Variants in ZNF469 observed in about 807,000 individuals in gnomAD.
ZNF469 encodes zinc finger protein 469.
ZNF469 carries 1 observed loss-of-function variant against 1.0 expected under a neutral mutation model. The observed-to-expected ratio is 1.00, with a 90% CI of 0.35 to 4.73. The LOEUF is 4.73. Among genes scored for constraint, ZNF469 ranks in the 30% most tolerant of loss-of-function variants. The pLI is 0.16. For missense variants in ZNF469, 6,100 were observed against 5,356.3 expected (o/e 1.14, Z -4.33); for synonymous variants, 2,703 against 2,363.4 (o/e 1.14, Z -4.17).
the ZNF469 span, among the ~76,000 whole-genome samples, chr16:88,273,906 G>A: frequency 8.0e-5 from 12 of 149,682 alleles, no homozygotes; most frequent in Admixed American, 2.0e-4. Context: ...CCGGGTTCAC[G>A]CCATTCTCCT....
intron 1 of ZNF469, among the ~76,000 whole-genome samples, chr16:88,416,079 C>T (rs1273956715): frequency 6.6e-6 from 1 of 152,202 alleles, no homozygotes; most frequent in Non-Finnish European, 1.5e-5. Context: ...TTCCGAACCC[C>T]ACAGCAGCGG....
chr16:88,385,908 G>C (rs570976001), intron 1 of ZNF469, among the ~76,000 whole-genome samples: 1 of 152,196 alleles, frequency 6.6e-6, no homozygotes. Context: ...TACTTGGTAG[G>C]TACCAGCTGC....
the ZNF469 span, among the ~76,000 whole-genome samples, chr16:88,123,125 C>A: frequency 1.1e-4 from 17 of 152,316 alleles, no homozygotes; most frequent in African/African-American, 4.1e-4. Flanking sequence ...TTTGCACTCA[C>A]ATAGCCAGCA....
At chr16:88,192,817 A>ATGG in the ZNF469 span, among the ~76,000 whole-genome samples, 10 of 35,348 alleles carry the variant, frequency 2.8e-4, no homozygotes, top group African/African-American at 1.2e-3. Flanking sequence ...AATGATGGTG[A>ATGG]TGGTGGTGGT....
At chr16:88,397,979 G>A (rs533323883) in intron 1 of ZNF469, among the ~76,000 whole-genome samples, 7 of 152,316 alleles carry the variant, frequency 4.6e-5, no homozygotes, top group Middle Eastern at 3.4e-3. Flanking sequence ...GCCCAGAGCC[G>A]GGCACAGGAG....
chr16:88,193,081 ATGGTGGTGGTGATGGTGT>A, the ZNF469 span, among the ~76,000 whole-genome samples: 1 of 36,392 alleles, frequency 2.7e-5, no homozygotes, highest in Non-Finnish European at 5.3e-5. Context: ...GGTGGTGGTG[ATGGTGGTGGTGATGGTGT>A]TGATGGTGGT....
the ZNF469 span, among the ~76,000 whole-genome samples, chr16:88,266,590 A>C: frequency 6.6e-6 from 1 of 152,258 alleles, no homozygotes; most frequent in African/African-American, 2.4e-5. Context: ...TGGAGGTTGG[A>C]GAAGCAGTAG....
At chr16:88,118,425 A>G in the ZNF469 span, among the ~76,000 whole-genome samples, 1 of 152,324 alleles carries the variant, frequency 6.6e-6, no homozygotes, top group South Asian at 2.1e-4. Flanking sequence ...AGGAGGCACA[A>G]GAGTCTCAGC....
the ZNF469 span, among the ~76,000 whole-genome samples, chr16:88,193,291 G>GTGGTGGTGGAGA: frequency 1.1e-5 from 1 of 90,196 alleles, no homozygotes; most frequent in Non-Finnish European, 2.6e-5. Context: ...GGTGGAGATG[G>GTGGTGGTGGAGA]TGGTGGTGGG....
At chr16:88,351,110 C>T in the ZNF469 span, among the ~76,000 whole-genome samples, 240 of 152,320 alleles carry the variant, frequency 1.6e-3, no homozygotes, top group Middle Eastern at 3.4e-3. Context: ...TTCAGCATGT[C>T]GGGGTCAGTC....
the ZNF469 span, among the ~76,000 whole-genome samples, chr16:88,233,234 C>T: frequency 3.9e-5 from 6 of 152,218 alleles, no homozygotes; most frequent in East Asian, 1.9e-4. Flanking sequence ...GCCAGAGAGC[C>T]GTCCCCGCCA....
At chr16:88,387,595 G>A (rs895859093) in intron 1 of ZNF469, among the ~76,000 whole-genome samples, 9 of 152,104 alleles carry the variant, frequency 5.9e-5, no homozygotes, top group African/African-American at 2.2e-4. Context: ...CCCCAGCCCT[G>A]CCAGGAGTGA....
At chr16:88,156,350 G>A in the ZNF469 span, among the ~76,000 whole-genome samples, 1 of 152,256 alleles carries the variant, frequency 6.6e-6, no homozygotes, top group African/African-American at 2.4e-5. Flanking sequence ...TTTCTTCTAA[G>A]GCTTTTATAG....
chr16:88,226,539 A>T, the ZNF469 span, among the ~76,000 whole-genome samples: 1 of 152,106 alleles, frequency 6.6e-6, no homozygotes. Context: ...GTTGGGAGAG[A>T]GGAGTTCCTG....
Position 88,430,484 on chromosome 16 carries a change from G to A in ZNF469, c.3014G>A (p.Arg1005His). Reference protein sequence around the residue: ...RRPRTQAPGSRADPAPRVPRA... With the variant: ...RRPRTQAPGSHADPAPRVPRA... The stretch of plus-strand genomic sequence containing the variant: ...CCTAGAACGCAGGCCCCCGGGAGCC[G>A]CGCAGACCCCGCGCCCCGGGTCCCG... The change falls in exon 3 of 3, where the codon CGC becomes CAC. Residue 1005 changes from arginine (R) to histidine (H), a missense_variant. Coordinates refer to ENST00000565624, the MANE Select transcript of ZNF469 (RefSeq NM_001367624.2). 4.2e-6 allele frequency: 6 copies of A among 1,424,252 alleles called. No homozygotes were observed. Among genetic ancestry groups the A allele is most frequent in the Admixed American group, 3.1e-5 (1 of 32,736 alleles). 88.2% of individuals were successfully genotyped at this position (1,424,252 alleles called of 1,614,324 possible).
At chr16:88,227,324 G>A in the ZNF469 span, among the ~76,000 whole-genome samples, 1 of 152,174 alleles carries the variant, frequency 6.6e-6, no homozygotes, top group East Asian at 1.9e-4. Flanking sequence ...GGAGGAAGGA[G>A]GATGGAAGGA....
chr16:88,310,911 T>A, the ZNF469 span, among the ~76,000 whole-genome samples: 13 of 151,994 alleles, frequency 8.6e-5, no homozygotes, highest in Admixed American at 2.6e-4. Context: ...TCTCACCCTC[T>A]CACGGTGCCT....
the ZNF469 span, among the ~76,000 whole-genome samples, chr16:88,121,114 G>A: frequency 6.7e-6 from 1 of 148,960 alleles, no homozygotes; most frequent in Non-Finnish European, 1.5e-5. Flanking sequence ...ACGGTGGGAT[G>A]GGGGGTCGGG....
the ZNF469 span, among the ~76,000 whole-genome samples, chr16:88,186,136 G>C: frequency 7.2e-5 from 11 of 152,360 alleles, no homozygotes; most frequent in South Asian, 2.1e-3. Context: ...CCGTCTTCCT[G>C]TGGAGTGTAT....
Sources: allele counts gnomAD v4.1 joint callset (sites outside exome capture counted in the v4.1 genomes callset), GRCh38; gene constraint gnomAD v4.1.1; transcripts MANE v1.5; gene names NCBI Gene and HGNC (gene_info 2026-07-23, HGNC 2026-07-21).